The following NUDCD3 variants were observed in gnomAD, a reference collection of about 807,000 sequenced individuals.
The protein encoded by NUDCD3 is NudC domain containing 3, also known as nudC domain-containing protein 3.
Under a neutral mutation model 39.7 loss-of-function variants are expected in NUDCD3, and 13 were observed. That is an observed-to-expected ratio of 0.33 (90% CI 0.21 to 0.52). The LOEUF (loss-of-function observed/expected upper bound fraction) is 0.52, where lower values mean the gene tolerates loss of function less well. Among genes scored for constraint, NUDCD3 ranks in the 20% least tolerant of loss-of-function variants. The probability of loss-of-function intolerance (pLI) is 0.96; values close to 1 mark genes in which losing one functional copy is unlikely to be tolerated. For missense variants in NUDCD3, 453 were observed against 458.1 expected, an observed-to-expected ratio of 0.99 and a Z score of 0.10; for synonymous variants, 175 against 172.4, an observed-to-expected ratio of 1.02 and a Z score of -0.12.
chr7:44,489,760 C>T (rs1174473405), intron 1 of NUDCD3: 1 of 152,108 alleles, frequency 6.6e-6, no homozygotes, highest in East Asian at 1.9e-4. Flanking sequence ...TACTTAAACA[C>T]CCGTATCACC....
chr7:44,421,577 C>T (rs541850868), intron 3 of NUDCD3, among the ~76,000 whole-genome samples: 23 of 151,028 alleles, frequency 1.5e-4, no homozygotes, highest in African/African-American at 5.4e-4. Context: ...CAAAGAAGGG[C>T]ATTACATAAT....
chr7:44,396,864 G>A (rs879303788), intron 4 of NUDCD3, among the ~76,000 whole-genome samples: 1 of 152,072 alleles, frequency 6.6e-6, no homozygotes, highest in Non-Finnish European at 1.5e-5. Flanking sequence ...GGAGGACATG[G>A]GTACAATGTT....
chr7:44,426,006 A>C, intron 3 of NUDCD3: 18 of 344,776 alleles, frequency 5.2e-5, no homozygotes, highest in Non-Finnish European at 7.0e-5. Context: ...GCAATCGGTT[A>C]GCATGCGGTA....
At chr7:44,419,125 C>A (rs1321506226) in intron 3 of NUDCD3, among the ~76,000 whole-genome samples, 1 of 152,086 alleles carries the variant, frequency 6.6e-6, no homozygotes, top group Admixed American at 6.5e-5. Context: ...GCCAGGGAGC[C>A]AAGGGACAAT....
At chr7:44,432,203 G>A (rs1057477745) in intron 2 of NUDCD3, among the ~76,000 whole-genome samples, 130 of 152,148 alleles carry the variant, frequency 8.5e-4, no homozygotes, top group Admixed American at 8.4e-3. Flanking sequence ...AATAGCTTGA[G>A]CCCAGGCGTT....
intron 2 of NUDCD3, among the ~76,000 whole-genome samples, chr7:44,474,591 C>A (rs1428367599): frequency 6.6e-6 from 1 of 152,154 alleles, no homozygotes; most frequent in Non-Finnish European, 1.5e-5. Context: ...TGAACCCATC[C>A]AACTCTGAAA....
intron 2 of NUDCD3, among the ~76,000 whole-genome samples, chr7:44,434,039 T>A (rs1441959572): frequency 2.0e-5 from 3 of 152,178 alleles, no homozygotes; most frequent in South Asian, 2.1e-4. Context: ...TTTTCAAAGC[T>A]TTACAAAATA....
At chr7:44,462,639 G>A (rs1452163718) in intron 2 of NUDCD3, among the ~76,000 whole-genome samples, 5 of 152,198 alleles carry the variant, frequency 3.3e-5, no homozygotes, top group Non-Finnish European at 5.9e-5. Context: ...GGAGTGTGTG[G>A]GCAGCGTTAG....
intron 1 of NUDCD3, among the ~76,000 whole-genome samples, chr7:44,486,334 T>C (rs1275565862): frequency 6.6e-6 from 1 of 152,124 alleles, no homozygotes; most frequent in Non-Finnish European, 1.5e-5. Context: ...TCAAATTATT[T>C]TACAAACATT....
intron 5 of NUDCD3, 52 bp from the exon 6 acceptor site, chr7:44,386,173 TTC>T: frequency 6.3e-7 from 1 of 1,593,452 alleles, no homozygotes; most frequent in Non-Finnish European, 8.6e-7. Flanking sequence ...ACTGTGTACT[TTC>T]TCCCAGAGCA....
At chr7:44,475,848 G>A (rs1800357542) in intron 2 of NUDCD3, among the ~76,000 whole-genome samples, 1 of 152,144 alleles carries the variant, frequency 6.6e-6, no homozygotes, top group African/African-American at 2.4e-5. Context: ...AATAGGAAGT[G>A]AAGGGATTTT....
chr7:44,443,933 G>A (rs945574759), intron 2 of NUDCD3, among the ~76,000 whole-genome samples: 2 of 152,138 alleles, frequency 1.3e-5, no homozygotes, highest in Non-Finnish European at 2.9e-5. Context: ...GCCTGTGTTT[G>A]CAAGCAAAAA....
intron 4 of NUDCD3, among the ~76,000 whole-genome samples, chr7:44,398,287 G>A (rs1482736972): frequency 1.3e-5 from 2 of 152,142 alleles, no homozygotes; most frequent in Non-Finnish European, 2.9e-5. Context: ...ATCTATTGCT[G>A]TCAGTACTGA....
chr7:44,396,615 G>A (rs918552234), intron 4 of NUDCD3, among the ~76,000 whole-genome samples: 4 of 151,540 alleles, frequency 2.6e-5, no homozygotes, highest in Non-Finnish European at 4.4e-5. Context: ...CCCACGCCTC[G>A]TAAGTCATTG....
intron 2 of NUDCD3, among the ~76,000 whole-genome samples, chr7:44,466,091 T>G (rs1171269017): frequency 2.0e-5 from 3 of 152,116 alleles, no homozygotes; most frequent in Non-Finnish European, 4.4e-5. Context: ...GCCAGATGCT[T>G]GCTGCCAGGA....
intron 4 of NUDCD3, among the ~76,000 whole-genome samples, chr7:44,394,488 C>T (rs1798583173): frequency 2.0e-5 from 3 of 152,118 alleles, no homozygotes. Flanking sequence ...TTCTCTATTC[C>T]AGGGAAGACT....
intron 2 of NUDCD3, among the ~76,000 whole-genome samples, chr7:44,470,444 T>C (rs929279983): frequency 6.6e-6 from 1 of 152,234 alleles, no homozygotes; most frequent in Non-Finnish European, 1.5e-5. Context: ...CAGAGCTGCC[T>C]ACACGCCCAG....
intron 2 of NUDCD3, among the ~76,000 whole-genome samples, chr7:44,462,608 G>A (rs1563184465): frequency 6.6e-6 from 1 of 152,176 alleles, no homozygotes; most frequent in East Asian, 1.9e-4. Flanking sequence ...GGGAGGGTAG[G>A]CCCTGCCTCC....
At chr7:44,388,551 C>T (rs1798446889) in intron 5 of NUDCD3, among the ~76,000 whole-genome samples, 1 of 152,244 alleles carries the variant, frequency 6.6e-6, no homozygotes, top group African/African-American at 2.4e-5. Flanking sequence ...CCATATGCTG[C>T]AGACCCTGCC....
Sources: gnomAD v4.1 joint callset for allele counts (sites outside exome capture counted in the v4.1 genomes callset) on GRCh38, gnomAD v4.1.1 for gene constraint, MANE v1.5 for transcripts, NCBI Gene and HGNC (gene_info 2026-07-23, HGNC 2026-07-21) for gene names.